RHCE: variants seen among roughly 807,000 people sequenced by gnomAD.
RHCE encodes the protein Rh blood group CcEe antigens, also known as blood group Rh(CE) polypeptide.
In RHCE, 22 loss-of-function variants were observed where a neutral mutation model predicts 43.8. The ratio of observed to expected loss-of-function variants is 0.50; its 90% CI spans 0.36 to 0.72. RHCE has a LOEUF of 0.72. RHCE is among the 30% of genes least tolerant of loss of function. The probability of loss-of-function intolerance (pLI) is 0.00; values close to 1 mark genes in which losing one functional copy is unlikely to be tolerated. For missense variants in RHCE, 385 were observed against 525.4 expected, an observed-to-expected ratio of 0.73 and a Z score of 2.61; for synonymous variants, 156 against 210.7, an observed-to-expected ratio of 0.74 and a Z score of 2.25.
chr1:25,422,418 A>G (rs2042772653), upstream of RHCE, among the ~76,000 whole-genome samples: 1 of 152,232 alleles, frequency 6.6e-6, no homozygotes, highest in Non-Finnish European at 1.5e-5. Flanking sequence ...CACGCATAGA[A>G]AAAAGTTGGC....
chr1:25,388,866 T>G (rs1003234578), intron 6 of RHCE, 110 bp downstream of exon 6: 56 of 1,567,544 alleles, frequency 3.6e-5, no homozygotes, highest in Non-Finnish European at 4.7e-5. Context: ...AATAAGAGAA[T>G]GCACCAACAC....
chr1:25,397,850 A>AACC (rs1190713961), intron 3 of RHCE, among the ~76,000 whole-genome samples: 1 of 145,228 alleles, frequency 6.9e-6, no homozygotes, highest in Admixed American at 7.0e-5. Context: ...CGCACCTGAT[A>AACC]ACCACCACCA....
At chr1:25,390,187 T>G (rs984323315) in intron 5 of RHCE, among the ~76,000 whole-genome samples, 5 of 152,132 alleles carry the variant, frequency 3.3e-5, no homozygotes, top group Admixed American at 1.3e-4. Flanking sequence ...CACACCATTG[T>G]CTCTCTGTAC....
At chr1:25,412,728 A>T (rs796481494) in intron 1 of RHCE, among the ~76,000 whole-genome samples, 3 of 149,220 alleles carry the variant, frequency 2.0e-5, no homozygotes, top group Admixed American at 1.3e-4. Flanking sequence ...AAAAAAAAAA[A>T]AAAAAAAAAA....
At chr1:25,418,713 G>T (rs2982358) in intron 1 of RHCE, among the ~76,000 whole-genome samples, 88,344 of 152,090 alleles carry the variant, frequency 0.58, 26,917 homozygotes, top group African/African-American at 0.76. Flanking sequence ...TGGATGACCC[G>T]CCTTTGTCCC....
At chr1:25,389,655 T>C (rs2375331) in intron 5 of RHCE, among the ~76,000 whole-genome samples, 7 of 152,170 alleles carry the variant, frequency 4.6e-5, no homozygotes, top group Non-Finnish European at 7.3e-5. Context: ...AAGCTCTTAG[T>C]CCAGTGTCTG....
upstream of RHCE, among the ~76,000 whole-genome samples, chr1:25,421,798 AAG>A (rs2042763285): frequency 6.6e-6 from 1 of 151,750 alleles, no homozygotes; most frequent in Admixed American, 6.6e-5. Flanking sequence ...AGAGGAAGAA[AAG>A]AAGGAAGGAA....
chr1:25,420,565 T>C, intron 1 of RHCE, 74 bp downstream of exon 1: 2 of 1,613,506 alleles, frequency 1.2e-6, no homozygotes, highest in Non-Finnish European at 1.7e-6. Flanking sequence ...TCTGTGCCCC[T>C]GGAGAACCAT....
intron 7 of RHCE, 57 bp downstream of exon 7, chr1:25,385,654 T>C (rs1646131343): frequency 1.2e-6 from 2 of 1,613,594 alleles, no homozygotes; most frequent in East Asian, 4.5e-5. Context: ...CTGCACACAT[T>C]TCTTCCTGAG....
chr1:25,428,496 CAG>C (rs1358481648), intron 2 of RHCE, among the ~76,000 whole-genome samples: 1 of 152,222 alleles, frequency 6.6e-6, no homozygotes, highest in Non-Finnish European at 1.5e-5. Context: ...TTTGAGCTCA[CAG>C]AGTTTGTTTT....
upstream of RHCE, among the ~76,000 whole-genome samples, chr1:25,424,308 T>G (rs770474035): frequency 6.6e-6 from 1 of 152,166 alleles, no homozygotes; most frequent in South Asian, 2.1e-4. Context: ...ACAACTGTAC[T>G]GGCTTGCTCC....
intron 8 of RHCE, among the ~76,000 whole-genome samples, chr1:25,374,216 G>A (rs1645714638): frequency 6.6e-6 from 1 of 151,358 alleles, no homozygotes; most frequent in Non-Finnish European, 1.5e-5. Flanking sequence ...AGCCTCCCAA[G>A]TAGCTGGGAT....
upstream of RHCE, among the ~76,000 whole-genome samples, chr1:25,421,096 CCTT>C (rs1022208041): frequency 1.4e-4 from 22 of 152,242 alleles, no homozygotes; most frequent in African/African-American, 5.1e-4. Flanking sequence ...CAAACATAAT[CCTT>C]CTTTACTCTG....
rs759837295 is a variant in RHCE, at chr1:25,420,621, G to T, written c.148+18C>A. 2.7e-5 allele frequency: 43 copies of T among 1,613,728 alleles called. No homozygotes were observed. Among genetic ancestry groups the T allele is most frequent in the Middle Eastern group, 3.3e-4 (2 of 6,076 alleles). ...CCTGCTATTTGCTCCTGTGACCACT[G>T]TTCCAATGAACTCTCACCTTGATAG... is the stretch of plus-strand genomic sequence containing the variant. On this transcript the variant is annotated intron_variant, in intron 1 of 9. Transcript: ENST00000294413.
chr1:25,398,717 C>G, intron 3 of RHCE: 2 of 1,594,252 alleles, frequency 1.3e-6, no homozygotes, highest in South Asian at 2.2e-5. Context: ...GCCTCAGGAA[C>G]GAGATGGCGG....
intron 8 of RHCE, 129 bp from the exon 9 acceptor site, chr1:25,370,669 AAGAC>A: frequency 1.3e-6 from 1 of 766,074 alleles, no homozygotes. Flanking sequence ...CCACAATTGA[AAGAC>A]AAATAAATGG....
intron 8 of RHCE, among the ~76,000 whole-genome samples, chr1:25,373,593 T>C (rs1326286148): frequency 6.6e-6 from 1 of 151,704 alleles, no homozygotes; most frequent in Non-Finnish European, 1.5e-5. Flanking sequence ...CCATACAGTT[T>C]GTTAAAGCTG....
At chr1:25,374,308 T>C (rs1384110399) in intron 8 of RHCE, among the ~76,000 whole-genome samples, 1 of 151,860 alleles carries the variant, frequency 6.6e-6, no homozygotes, top group Non-Finnish European at 1.5e-5. Context: ...AGGCTGGTCT[T>C]GAATCCTGAC....
At chr1:25,421,781 G>A (rs2375311), upstream of RHCE, among the ~76,000 whole-genome samples, 4 of 152,138 alleles carry the variant, frequency 2.6e-5, no homozygotes, top group Admixed American at 2.0e-4. Flanking sequence ...AGGGAGGAAG[G>A]GATGAAAGAG....
Sources: allele counts gnomAD v4.1 joint callset (sites outside exome capture counted in the v4.1 genomes callset), GRCh38; gene constraint gnomAD v4.1.1; transcripts MANE v1.5; gene names NCBI Gene and HGNC (gene_info 2026-07-23, HGNC 2026-07-21).